Variants in GPHN observed in about 807,000 individuals in gnomAD.
The protein encoded by GPHN is gephyrin.
In GPHN, 17 loss-of-function variants were observed where a neutral mutation model predicts 95.5. That is an observed-to-expected ratio of 0.18 (90% CI 0.12 to 0.27). The LOEUF (loss-of-function observed/expected upper bound fraction) is 0.27. GPHN is among the 10% of genes least tolerant of loss of function. The pLI, the probability that GPHN is intolerant of heterozygous loss-of-function variation, is 1.00. For synonymous variants in GPHN, 320 were observed against 322.5 expected, an observed-to-expected ratio of 0.99 and a Z score of 0.08; for missense variants, 660 against 978.1, an observed-to-expected ratio of 0.67 and a Z score of 4.34.
At chr14:67,440,151 T>A in the GPHN span, among the ~76,000 whole-genome samples, 2 of 152,168 alleles carry the variant, frequency 1.3e-5, no homozygotes, top group Admixed American at 1.3e-4. Context: ...TGGGTAATTA[T>A]GAGAAGCATC....
At chr14:66,927,986 C>T (rs1718489377) in intron 8 of GPHN, among the ~76,000 whole-genome samples, 1 of 152,020 alleles carries the variant, frequency 6.6e-6, no homozygotes, top group Admixed American at 6.6e-5. Context: ...CAGATATTGG[C>T]CTGTAGTTTT....
At chr14:67,001,650 T>A (rs974410767) in intron 9 of GPHN, among the ~76,000 whole-genome samples, 7 of 151,768 alleles carry the variant, frequency 4.6e-5, no homozygotes, top group African/African-American at 1.4e-4. Context: ...TATCTCCTAA[T>A]CCTTACTTCG....
intron 11 of GPHN, among the ~76,000 whole-genome samples, chr14:67,067,377 G>A (rs750908709): frequency 1.3e-5 from 2 of 152,166 alleles, no homozygotes; most frequent in Non-Finnish European, 2.9e-5. Flanking sequence ...CCCCTACTAG[G>A]AGATGTCTTT....
chr14:66,769,521 A>G (rs1345202173), intron 2 of GPHN, among the ~76,000 whole-genome samples: 4 of 151,606 alleles, frequency 2.6e-5, no homozygotes, highest in Admixed American at 6.6e-5. Flanking sequence ...GTTCCCTTCT[A>G]TGTGTTCATG....
chr14:66,782,955 A>G (rs747796890), intron 3 of GPHN, among the ~76,000 whole-genome samples: 7 of 152,170 alleles, frequency 4.6e-5, no homozygotes, highest in Non-Finnish European at 7.4e-5. Flanking sequence ...CATGGCAGTG[A>G]GTTACTTGGG....
chr14:66,619,903 G>A (rs2063217995), intron 1 of GPHN, among the ~76,000 whole-genome samples: 1 of 152,076 alleles, frequency 6.6e-6, no homozygotes, highest in Non-Finnish European at 1.5e-5. Context: ...GAGCAAATAG[G>A]GTCCTGATAG....
the GPHN span, among the ~76,000 whole-genome samples, chr14:67,252,782 A>G: frequency 6.6e-6 from 1 of 152,188 alleles, no homozygotes; most frequent in African/African-American, 2.4e-5. Flanking sequence ...TTTATCATTT[A>G]TTTGTTTAAA....
chr14:67,072,358 G>A (rs745644383), intron 11 of GPHN, among the ~76,000 whole-genome samples: 3 of 152,028 alleles, frequency 2.0e-5, no homozygotes, highest in Non-Finnish European at 4.4e-5. Context: ...AAAACCTTAG[G>A]TGACAGTAAA....
the GPHN span, among the ~76,000 whole-genome samples, chr14:67,358,911 T>G: frequency 5.3e-4 from 80 of 152,248 alleles, no homozygotes; most frequent in Non-Finnish European, 9.9e-4. Flanking sequence ...TCAAGAAATA[T>G]TTTTTTGTGG....
the GPHN span, among the ~76,000 whole-genome samples, chr14:67,455,933 C>G: frequency 6.6e-6 from 1 of 152,028 alleles, no homozygotes; most frequent in African/African-American, 2.4e-5. Context: ...AGATTTCATG[C>G]AAAGCAATTG....
the GPHN span, chr14:67,337,990 C>G: frequency 6.6e-6 from 1 of 152,220 alleles, no homozygotes; most frequent in Non-Finnish European, 1.5e-5. Context: ...TCCTACATGT[C>G]TGCAGAGAAA....
At chr14:67,000,378 C>T (rs2072133108) in intron 9 of GPHN, among the ~76,000 whole-genome samples, 1 of 151,622 alleles carries the variant, frequency 6.6e-6, no homozygotes, top group African/African-American at 2.4e-5. Context: ...ATTTTTTAAA[C>T]ACCACAGAAC....
chr14:67,453,641 A>G, the GPHN span, among the ~76,000 whole-genome samples: 17 of 152,220 alleles, frequency 1.1e-4, no homozygotes, highest in South Asian at 1.7e-3. Context: ...CTCAGAAACT[A>G]TGGTGGGTTA....
intron 3 of GPHN, among the ~76,000 whole-genome samples, chr14:66,783,271 C>T (rs2059667643): frequency 6.6e-6 from 1 of 152,194 alleles, no homozygotes; most frequent in Non-Finnish European, 1.5e-5. Flanking sequence ...CTGAATCCCT[C>T]ACCTGGTGGT....
chr14:66,899,122 C>CTTTTTTTTTTTTTTTTTTTTTTT (rs149566081), intron 5 of GPHN, among the ~76,000 whole-genome samples: 2 of 130,806 alleles, frequency 1.5e-5, no homozygotes, highest in Non-Finnish European at 1.7e-5. Context: ...AGGGCTTTTT[C>CTTTTTTTTTTTTTTTTTTTTTTT]TTTTTTTTTT....
At chr14:67,655,168 C>T in the GPHN span, among the ~76,000 whole-genome samples, 9 of 151,992 alleles carry the variant, frequency 5.9e-5, no homozygotes, top group South Asian at 8.3e-4. Flanking sequence ...AATGAGACCC[C>T]GTTTTTACAA....
chr14:66,642,871 T>C (rs1228234989), intron 1 of GPHN, among the ~76,000 whole-genome samples: 1 of 152,002 alleles, frequency 6.6e-6, no homozygotes, highest in East Asian at 1.9e-4. Flanking sequence ...CTATGAAAGA[T>C]TTAAAAAATA....
At chr14:66,997,625 A>T (rs1416874040) in intron 9 of GPHN, among the ~76,000 whole-genome samples, 1 of 152,236 alleles carries the variant, frequency 6.6e-6, no homozygotes, top group South Asian at 2.1e-4. Flanking sequence ...CCATCTGCAG[A>T]TCTCAAATTT....
At chr14:67,308,970 C>T in the GPHN span, among the ~76,000 whole-genome samples, 1 of 152,052 alleles carries the variant, frequency 6.6e-6, no homozygotes. Flanking sequence ...CCCATTTCAT[C>T]ATTACGACTT....
Sources: allele counts gnomAD v4.1 joint callset (sites outside exome capture counted in the v4.1 genomes callset), GRCh38; gene constraint gnomAD v4.1.1; transcripts MANE v1.5; gene names NCBI Gene and HGNC (gene_info 2026-07-23, HGNC 2026-07-21).